The following ASIC2 variants were observed in gnomAD, a reference collection of about 807,000 sequenced individuals.
ASIC2 encodes acid sensing ion channel subunit 2.
In ASIC2, 25 loss-of-function variants were observed where a neutral mutation model predicts 57.3. The ratio of observed to expected loss-of-function variants is 0.44; its 90% confidence interval spans 0.32 to 0.61. ASIC2 has a LOEUF of 0.61. ASIC2 is among the 20% of genes least tolerant of loss of function. The pLI, the probability that ASIC2 is intolerant of heterozygous loss-of-function variation, is 0.06. For synonymous variants in ASIC2, 319 were observed against 307.5 expected (o/e 1.04, Z -0.39); for missense variants, 641 against 738.1 (o/e 0.87, Z 1.52).
chr17:33,039,092 T>C (rs930504114), intron 3 of ASIC2, among the ~76,000 whole-genome samples: 2 of 152,150 alleles, frequency 1.3e-5, no homozygotes, highest in African/African-American at 4.8e-5. Context: ...AAAGCATATA[T>C]GAGGAGAGAG....
chr17:33,370,138 C>G (rs187469929), intron 1 of ASIC2, among the ~76,000 whole-genome samples: 13 of 152,284 alleles, frequency 8.5e-5, no homozygotes, highest in Admixed American at 5.2e-4. Context: ...ACCTTAGGGA[C>G]AGGCTGATGG....
chr17:33,335,648 T>G (rs1167228477), intron 1 of ASIC2, among the ~76,000 whole-genome samples: 1 of 152,078 alleles, frequency 6.6e-6, no homozygotes, highest in Non-Finnish European at 1.5e-5. Context: ...AAGGAAGCAT[T>G]CCCCGTGGCT....
In ASIC2 at chr17:33,081,027, G is replaced by C. The variant is rs148065642; in HGVS notation, c.987+7836C>G. Among the ~76,000 whole-genome samples, 86 of 152,304 alleles carry C rather than the reference G, an allele frequency of 5.6e-4. No homozygotes were observed. In the East Asian group the frequency reaches 0.014, roughly 24 times the overall value. ...AGGAAGGCAAGGAGAGGAAGAGGCTGCAAGGTAGTGGGGAGGTAAAATAAA... is the reference window on the plus strand; with the variant it reads ...AGGAAGGCAAGGAGAGGAAGAGGCTCCAAGGTAGTGGGGAGGTAAAATAAA... On this transcript the variant is annotated intron_variant, in intron 3 of 9. Transcript: ENST00000225823.
In ASIC2 at chr17:33,974,397, G is replaced by T. The variant is rs79700733; in HGVS notation, c.555+181581C>A. Among the ~76,000 whole-genome samples the T allele has an allele frequency of 6.8e-3, 1,029 of 152,218 alleles. 16 individuals are homozygous for T. The highest frequency in any genetic ancestry group is 0.023 in the African/African-American group (973 of 41,544). On this transcript the variant is annotated intron_variant, in intron 1 of 9. Transcript: ENST00000359872. The stretch of plus-strand genomic sequence containing the variant: ...GTGTATGTATGTGTGTACAACCTCA[G>T]CTGGCTTTGCCTGCCTGGCACCCCA...
chr17:34,017,870 C>T (rs1907024698), intron 1 of ASIC2, among the ~76,000 whole-genome samples: 2 of 152,164 alleles, frequency 1.3e-5, no homozygotes, highest in African/African-American at 4.8e-5. Context: ...AAACCATCTC[C>T]TTGTATGTAT....
rs751103798 is a variant in ASIC2 at position 33,014,048 on chromosome 17, G to T, written c.1609C>A (p.Pro537Thr). Reference protein sequence around the residue: ...DENVSTCDTMPNHSETISHTV... With the variant: ...DENVSTCDTMTNHSETISHTV... Reference sequence around the variant, plus strand: ...TGACTGATGGTTTCAGAGTGGTTTGGCATTGTGTCACAAGTACTCTGGAAG... The same window carrying T: ...TGACTGATGGTTTCAGAGTGGTTTGTCATTGTGTCACAAGTACTCTGGAAG... The change falls in exon 10 of 10, where the codon CCA (proline) becomes ACA (threonine). Residue 537 changes from proline (P) to threonine (T), a missense_variant. Physicochemically the swap from Pro to Thr is conservative, Grantham distance 38. Around this residue, in one of 3 missense-constraint regions of ASIC2, gnomAD observed 252 missense variants for 319.8 expected, o/e 0.79. Coordinates refer to ENST00000225823, the MANE Select transcript of ASIC2 (RefSeq NM_183377.2). The T allele has an allele frequency of 1.2e-6, 2 of 1,601,600 alleles. No homozygotes were observed. The highest frequency in any genetic ancestry group is 1.7e-6 in the Non-Finnish European group (2 of 1,173,658).
At chr17:33,764,543 G>A (rs1440557012) in intron 1 of ASIC2, among the ~76,000 whole-genome samples, 1 of 130,888 alleles carries the variant, frequency 7.6e-6, no homozygotes, top group Admixed American at 7.3e-5. Flanking sequence ...TTGCTGATGA[G>A]GACTCTGTAG....
At position 33,013,346 on chromosome 17, in the gene ASIC2, A is replaced by AC. The variant is rs2091788014; in HGVS notation, c.*618dup. 6.5e-6 allele frequency: 1 copy of AC among 154,548 alleles called. No individual in the cohort carries two copies. The highest frequency in any genetic ancestry group is 3.4e-3 in the Middle Eastern group (1 of 294). 9.6% of individuals were successfully genotyped at this position (154,548 alleles called of 1,614,324 possible). A position where few individuals can be genotyped will look rare whatever the true frequency, so the allele number is the denominator to read the frequency against. ...CCATGGGTGAACACAGGCGTCCCCC[A>AC]CCCGCTGGCTGCTGTGCCGCCGTCA... On this transcript the variant is annotated 3_prime_UTR_variant, in exon 10 of 10. Coordinates refer to ENST00000225823, the MANE Select transcript of ASIC2 (RefSeq NM_183377.2).
chr17:33,919,348 C>A (rs1198249692), intron 1 of ASIC2, among the ~76,000 whole-genome samples: 1 of 152,076 alleles, frequency 6.6e-6, no homozygotes, highest in East Asian at 1.9e-4. Context: ...AAAAGGGAAC[C>A]CAGAAATAAA....
intron 1 of ASIC2, among the ~76,000 whole-genome samples, chr17:33,816,392 A>G (rs370498859): frequency 3.0e-4 from 45 of 152,330 alleles, no homozygotes; most frequent in Middle Eastern, 6.8e-3. Context: ...GTTAATGTCC[A>G]TCATGAGCTG....
chr17:33,329,917 G>A (rs1907241455), intron 1 of ASIC2, among the ~76,000 whole-genome samples: 1 of 152,052 alleles, frequency 6.6e-6, no homozygotes, highest in South Asian at 2.1e-4. Flanking sequence ...GAACCTACTT[G>A]GGGCAAGAGG....
At chr17:33,454,748 C>T (rs932898204) in intron 1 of ASIC2, among the ~76,000 whole-genome samples, 6 of 152,170 alleles carry the variant, frequency 3.9e-5, no homozygotes, top group Non-Finnish European at 8.8e-5. Context: ...ATCAAGGCAC[C>T]AGCAGATTTG....
chr17:33,516,340 G>GT (rs909579313), intron 1 of ASIC2, among the ~76,000 whole-genome samples: 20 of 151,694 alleles, frequency 1.3e-4, no homozygotes, highest in Non-Finnish European at 7.4e-5. Context: ...GAGTGTGTGT[G>GT]TTTGTATGTG....
At chr17:33,797,033 G>A (rs1180430822) in intron 1 of ASIC2, among the ~76,000 whole-genome samples, 4 of 152,218 alleles carry the variant, frequency 2.6e-5, no homozygotes, top group Non-Finnish European at 5.9e-5. Context: ...TTCAGTGCAT[G>A]TTATGGGGCA....
chr17:33,878,540 G>C (rs1003188543), intron 1 of ASIC2, among the ~76,000 whole-genome samples: 2 of 152,206 alleles, frequency 1.3e-5, no homozygotes, highest in Non-Finnish European at 2.9e-5. Flanking sequence ...AATGAAGCAA[G>C]AAGAGAAGTT....
chr17:33,326,838 T>A (rs1246781425), intron 1 of ASIC2, among the ~76,000 whole-genome samples: 1 of 152,242 alleles, frequency 6.6e-6, no homozygotes, highest in African/African-American at 2.4e-5. Context: ...TTCTTTTACT[T>A]TGTTCCTTTC....
intron 1 of ASIC2, among the ~76,000 whole-genome samples, chr17:33,500,399 G>A (rs1914064986): frequency 6.6e-6 from 1 of 152,144 alleles, no homozygotes; most frequent in Admixed American, 6.5e-5. Flanking sequence ...GTTTTGATTG[G>A]CCCACTCAAG....
intron 1 of ASIC2, among the ~76,000 whole-genome samples, chr17:33,582,589 T>G (rs1344375130): frequency 6.6e-6 from 1 of 152,146 alleles, no homozygotes; most frequent in African/African-American, 2.4e-5. Context: ...CCTCATAGGG[T>G]TGTCACAAGG....
intron 1 of ASIC2, chr17:34,038,739 C>CT: frequency 1.2e-6 from 2 of 1,608,754 alleles, no homozygotes; most frequent in Non-Finnish European, 1.7e-6. Context: ...TCATGGTATT[C>CT]TTTTAACGTT....
Sources: gnomAD v4.1 joint callset for allele counts (sites outside exome capture counted in the v4.1 genomes callset) on GRCh38, gnomAD v4.1.1 for gene constraint, gnomAD v4.1.1 regional missense constraint, MANE v1.5 for transcripts, NCBI Gene and HGNC (gene_info 2026-07-23, HGNC 2026-07-21) for gene names.